SEMA6D: variants seen among roughly 807,000 people sequenced by gnomAD.
SEMA6D encodes the protein semaphorin-6D.
Under a neutral mutation model 106.6 loss-of-function variants are expected in SEMA6D, and 35 were observed. The observed-to-expected ratio is 0.33, with a 90% confidence interval of 0.25 to 0.44. The LOEUF (loss-of-function observed/expected upper bound fraction) is 0.44. Ranked by LOEUF, SEMA6D falls within the 20% of genes least tolerant of loss-of-function variation. The pLI is 1.00. For synonymous variants in SEMA6D, 499 were observed against 487.7 expected, an observed-to-expected ratio of 1.02 and a Z score of -0.31; for missense variants, 1,185 against 1,345.9, an observed-to-expected ratio of 0.88 and a Z score of 1.87.
chr15:47,410,304 G>A (rs1283603033), intron 1 of SEMA6D, among the ~76,000 whole-genome samples: 1 of 152,120 alleles, frequency 6.6e-6, no homozygotes, highest in Non-Finnish European at 1.5e-5. Flanking sequence ...ATATGTGATG[G>A]GAAGTGTGCC....
chr15:47,315,117 C>T (rs545566955), intron 1 of SEMA6D, among the ~76,000 whole-genome samples: 1 of 151,938 alleles, frequency 6.6e-6, no homozygotes, highest in Admixed American at 6.6e-5. Flanking sequence ...CCGCCTGCCT[C>T]GGCCTCCCAA....
chr15:47,382,697 CAA>C (rs2039685104), intron 1 of SEMA6D, among the ~76,000 whole-genome samples: 1 of 152,210 alleles, frequency 6.6e-6, no homozygotes, highest in African/African-American at 2.4e-5. Context: ...CTAGTTGAAA[CAA>C]GAGAAAAGCA....
At chr15:47,494,783 T>TAC (rs2043595004) in intron 3 of SEMA6D, among the ~76,000 whole-genome samples, 1 of 98,840 alleles carries the variant, frequency 1.0e-5, no homozygotes, top group South Asian at 3.1e-4. Context: ...TATATATATA[T>TAC]ATATATAATC....
intron 1 of SEMA6D, among the ~76,000 whole-genome samples, chr15:47,756,532 G>A (rs1430747902): frequency 2.6e-5 from 4 of 152,126 alleles, no homozygotes; most frequent in African/African-American, 9.7e-5. Flanking sequence ...TGAAACTGAG[G>A]CTTAAAGAGA....
intron 4 of SEMA6D, among the ~76,000 whole-genome samples, chr15:47,710,155 T>C (rs925073179): frequency 3.9e-5 from 6 of 152,218 alleles, no homozygotes; most frequent in Non-Finnish European, 7.3e-5. Flanking sequence ...TAGAGGCTGA[T>C]GGATTAGCTT....
At chr15:47,710,829 G>T (rs984250130) in intron 4 of SEMA6D, among the ~76,000 whole-genome samples, 1 of 152,092 alleles carries the variant, frequency 6.6e-6, no homozygotes, top group African/African-American at 2.4e-5. Flanking sequence ...ATTCTGTGAG[G>T]CTCCTGTTTT....
At chr15:47,467,463 C>T (rs1369897889) in intron 2 of SEMA6D, among the ~76,000 whole-genome samples, 5 of 151,928 alleles carry the variant, frequency 3.3e-5, no homozygotes, top group Non-Finnish European at 7.4e-5. Context: ...GGCCATATAC[C>T]CTGTGTATTC....
chr15:47,676,277 C>T (rs558494674), intron 4 of SEMA6D, among the ~76,000 whole-genome samples: 1 of 152,266 alleles, frequency 6.6e-6, no homozygotes, highest in African/African-American at 2.4e-5. Flanking sequence ...CTGCCTGATG[C>T]AACTTCTATA....
intron 4 of SEMA6D, among the ~76,000 whole-genome samples, chr15:47,680,220 C>G (rs2078325974): frequency 6.6e-6 from 1 of 152,128 alleles, no homozygotes; most frequent in African/African-American, 2.4e-5. Context: ...CCTAGCATAT[C>G]ACATGTTCAT....
intron 4 of SEMA6D, among the ~76,000 whole-genome samples, chr15:47,668,608 C>A (rs1029163279): frequency 6.6e-6 from 1 of 152,160 alleles, no homozygotes; most frequent in African/African-American, 2.4e-5. Flanking sequence ...GAGTGAGACC[C>A]TTTGAAGATT....
intron 3 of SEMA6D, among the ~76,000 whole-genome samples, chr15:47,511,692 T>A (rs2044235990): frequency 6.6e-6 from 1 of 152,210 alleles, no homozygotes; most frequent in Non-Finnish European, 1.5e-5. Context: ...GATAACAGTT[T>A]TTTTGGAGGG....
intron 4 of SEMA6D, among the ~76,000 whole-genome samples, chr15:47,611,492 CGT>C (rs1159220032): frequency 6.6e-6 from 1 of 151,914 alleles, no homozygotes; most frequent in Non-Finnish European, 1.5e-5. Context: ...ATATAACGAA[CGT>C]GTGTGTGTGT....
chr15:47,602,146 C>G (rs953925972), intron 4 of SEMA6D, among the ~76,000 whole-genome samples: 2 of 152,066 alleles, frequency 1.3e-5, no homozygotes, highest in Non-Finnish European at 2.9e-5. Flanking sequence ...GGAGTAATTC[C>G]TTCAGTTTCT....
chr15:47,332,979 G>T (rs17359852), intron 1 of SEMA6D, among the ~76,000 whole-genome samples: 3 of 152,194 alleles, frequency 2.0e-5, no homozygotes, highest in African/African-American at 4.8e-5. Context: ...AACAGAGAAA[G>T]TCACAGCTCA....
At chr15:47,536,422 A>T (rs528716377) in intron 3 of SEMA6D, among the ~76,000 whole-genome samples, 1 of 152,336 alleles carries the variant, frequency 6.6e-6, no homozygotes, top group South Asian at 2.1e-4. Context: ...TATTGGGGAC[A>T]CAATGAAGGC....
intron 1 of SEMA6D, among the ~76,000 whole-genome samples, chr15:47,402,965 G>A (rs771351282): frequency 2.6e-5 from 4 of 152,130 alleles, no homozygotes; most frequent in Non-Finnish European, 5.9e-5. Context: ...GTTCTCACTA[G>A]GGAGGGAAAC....
At chr15:47,251,540 A>G (rs2033512250) in intron 1 of SEMA6D, among the ~76,000 whole-genome samples, 1 of 152,168 alleles carries the variant, frequency 6.6e-6, no homozygotes, top group African/African-American at 2.4e-5. Flanking sequence ...TAAGGGACTC[A>G]AGATCTCTGA....
At chr15:47,516,528 C>T (rs2044394179) in intron 3 of SEMA6D, among the ~76,000 whole-genome samples, 1 of 152,116 alleles carries the variant, frequency 6.6e-6, no homozygotes, top group South Asian at 2.1e-4. Context: ...TTGTACCTTT[C>T]CAGGATATAG....
Position 47,759,855 on chromosome 15 carries a change from G to A in SEMA6D, c.57G>A (p.Arg19=), listed in dbSNP as rs184504835. The change falls in exon 2 of 19, where the codon AGG becomes AGA. Residue 19 remains arginine, a synonymous_variant. Coordinates refer to ENST00000536845, the MANE Select transcript of SEMA6D (RefSeq NM_001358351.3). The part of the protein sequence containing the change: ...YILLLMVSQL[R]AVSFPEDDEP... Reference sequence around the variant, plus strand: ...TGCTGCTGATGGTTTCCCAGTTGAGGGCAGTCAGCTTTCCTGAAGATGATG... The same window carrying A: ...TGCTGCTGATGGTTTCCCAGTTGAGAGCAGTCAGCTTTCCTGAAGATGATG... 2.9e-5 allele frequency: 46 copies of A among 1,613,800 alleles called. 1 individual carries two copies. The Admixed American group carries it at 6.3e-4, about 22-fold the overall frequency.
Sources: gnomAD v4.1 joint callset for allele counts (sites outside exome capture counted in the v4.1 genomes callset) on GRCh38, gnomAD v4.1.1 for gene constraint, MANE v1.5 for transcripts, NCBI Gene and HGNC (gene_info 2026-07-23, HGNC 2026-07-21) for gene names.